The following SYT6 variants were observed in gnomAD, a reference collection of about 807,000 sequenced individuals.
SYT6 encodes the protein synaptotagmin 6.
Under a neutral mutation model 38.4 loss-of-function variants are expected in SYT6, and 24 were observed. That is an observed-to-expected ratio of 0.62 (90% CI 0.45 to 0.88). The LOEUF is 0.88. SYT6 is among the 40% of genes least tolerant of loss of function. The probability of loss-of-function intolerance (pLI) is 0.00; values close to 1 mark genes in which losing one functional copy is unlikely to be tolerated. For missense variants in SYT6, 611 were observed against 621.0 expected, an observed-to-expected ratio of 0.98 and a Z score of 0.17; for synonymous variants, 265 against 241.9, an observed-to-expected ratio of 1.10 and a Z score of -0.89.
chr1:114,119,339 G>C (rs577351191), intron 3 of SYT6, among the ~76,000 whole-genome samples: 2 of 152,218 alleles, frequency 1.3e-5, no homozygotes, highest in African/African-American at 4.8e-5. Context: ...GCAAGGCCAG[G>C]GTTCAGGGCT....
chr1:114,101,973 T>C (rs975416078), intron 4 of SYT6, among the ~76,000 whole-genome samples: 1 of 152,034 alleles, frequency 6.6e-6, no homozygotes, highest in Admixed American at 6.6e-5. Context: ...CAAACCCAGG[T>C]CAAAAAGAGG....
At chr1:114,105,810 C>G (rs938777093) in intron 3 of SYT6, among the ~76,000 whole-genome samples, 3 of 152,204 alleles carry the variant, frequency 2.0e-5, no homozygotes, top group Non-Finnish European at 2.9e-5. Flanking sequence ...GCCCTTCCAG[C>G]TCATCTAGGA....
At chr1:114,095,748 C>T (rs893959093) in intron 6 of SYT6, among the ~76,000 whole-genome samples, 1 of 151,968 alleles carries the variant, frequency 6.6e-6, no homozygotes, top group African/African-American at 2.4e-5. Flanking sequence ...GCAAGCTCCG[C>T]CTCCCGGGTT....
At position 114,089,572 on chromosome 1, in the gene SYT6, G is replaced by T. The variant is rs1037351703; in HGVS notation, c.*2562C>A. ...AGCAACAACCCGAGAGGTTTCTCCG[G>T]CCAGAGAAAGCCAACAAATGGATCA... On this transcript the variant is annotated 3_prime_UTR_variant, in exon 8 of 8. Transcript: ENST00000610222. The T allele has an allele frequency of 2.6e-5, 4 of 152,310 alleles. 1 individual carries two copies. In the East Asian group the frequency reaches 7.5e-4, roughly 29 times the overall value. The allele number at this position is 152,310 out of a possible 1,614,324, so 9.4% of individuals were successfully genotyped here. A position where few individuals can be genotyped will look rare whatever the true frequency, so the allele number is the denominator to read the frequency against.
intron 3 of SYT6, among the ~76,000 whole-genome samples, chr1:114,130,278 G>A (rs922624094): frequency 6.6e-6 from 1 of 151,714 alleles, no homozygotes; most frequent in Non-Finnish European, 1.5e-5. Context: ...TCTTCCACTA[G>A]AGCATAAGCT....
chr1:114,126,611 G>A (rs1371931279), intron 3 of SYT6, among the ~76,000 whole-genome samples: 1 of 152,248 alleles, frequency 6.6e-6, no homozygotes, highest in Non-Finnish European at 1.5e-5. Flanking sequence ...GTGGGGGGAA[G>A]CAACGGGAAG....
chr1:114,135,395 T>A (rs532182753), intron 3 of SYT6, among the ~76,000 whole-genome samples: 1 of 152,264 alleles, frequency 6.6e-6, no homozygotes, highest in East Asian at 1.9e-4. Context: ...TGTAATTACA[T>A]GACAAGTTTC....
chr1:114,144,251 G>A (rs573146446), intron 1 of SYT6, among the ~76,000 whole-genome samples: 1 of 152,186 alleles, frequency 6.6e-6, no homozygotes, highest in African/African-American at 2.4e-5. Context: ...CCTGTTCCCT[G>A]TCTGGCCCCT....
chr1:114,111,651 G>T (rs1676684118), intron 3 of SYT6, among the ~76,000 whole-genome samples: 1 of 114,658 alleles, frequency 8.7e-6, no homozygotes, highest in South Asian at 2.6e-4. Flanking sequence ...GCCTGGGGTT[G>T]TGCTCCCATT....
At chr1:114,128,216 C>T (rs1677857954) in intron 3 of SYT6, among the ~76,000 whole-genome samples, 1 of 152,226 alleles carries the variant, frequency 6.6e-6, no homozygotes, top group African/African-American at 2.4e-5. Flanking sequence ...CCCTGCTGGC[C>T]TCTTTCAGAA....
chr1:114,124,537 A>T (rs1410635083), intron 3 of SYT6, among the ~76,000 whole-genome samples: 2 of 152,102 alleles, frequency 1.3e-5, no homozygotes, highest in Non-Finnish European at 2.9e-5. Flanking sequence ...TGCCACTGGG[A>T]AGTGGCACTT....
At chr1:114,129,936 C>T (rs1363454352) in intron 3 of SYT6, among the ~76,000 whole-genome samples, 13 of 151,892 alleles carry the variant, frequency 8.6e-5, no homozygotes, top group East Asian at 1.9e-4. Context: ...CCTCCTGCCT[C>T]GGCCTCCCGA....
intron 3 of SYT6, among the ~76,000 whole-genome samples, chr1:114,124,876 T>A (rs758724176): frequency 1.3e-5 from 2 of 152,188 alleles, no homozygotes; most frequent in Non-Finnish European, 2.9e-5. Context: ...CTTGAGCAGA[T>A]TGCCTGAGTT....
chr1:114,118,829 C>T (rs1054793634), intron 3 of SYT6, among the ~76,000 whole-genome samples: 1 of 152,226 alleles, frequency 6.6e-6, no homozygotes, highest in Non-Finnish European at 1.5e-5. Context: ...GGCAACGCTT[C>T]CTCAAGGGGG....
intron 4 of SYT6, among the ~76,000 whole-genome samples, chr1:114,102,719 G>T (rs568554021): frequency 3.2e-4 from 48 of 152,314 alleles, no homozygotes; most frequent in African/African-American, 1.2e-3. Flanking sequence ...TGAGCAGGAG[G>T]ACAGGGGATC....
intron 3 of SYT6, among the ~76,000 whole-genome samples, chr1:114,105,871 C>G (rs747415842): frequency 1.3e-5 from 2 of 152,204 alleles, no homozygotes; most frequent in Non-Finnish European, 2.9e-5. Context: ...ACATTCCATC[C>G]ACTTGTTCAT....
chr1:114,153,507 G>C (rs980214096), intron 1 of SYT6, 103 bp downstream of exon 1: 3 of 554,264 alleles, frequency 5.4e-6, no homozygotes, highest in African/African-American at 2.0e-5. Flanking sequence ...CCCGAGCTGG[G>C]GAGTTCTCTC....
In SYT6 at chr1:114,093,822, T is replaced by A. The variant is rs1675465943; in HGVS notation, c.1516-19A>T. 3 of 1,613,320 alleles carry A rather than the reference T, an allele frequency of 1.9e-6. No individual in the cohort carries two copies. Among genetic ancestry groups the A allele is most frequent in the Non-Finnish European group, 2.5e-6 (3 of 1,179,378 alleles). The stretch of plus-strand genomic sequence containing the variant: ...GGTTTCCCTGGTGAAATATTTTAGA[T>A]AAATAAATGCCTGGTTGTTGAGGCC... On this transcript the variant is annotated intron_variant, in intron 6 of 7. Transcript: ENST00000610222.
At chr1:114,131,063 A>G (rs1232612775) in intron 3 of SYT6, among the ~76,000 whole-genome samples, 1 of 151,964 alleles carries the variant, frequency 6.6e-6, no homozygotes, top group Non-Finnish European at 1.5e-5. Context: ...CAAGCAAGCA[A>G]TTTCATTTCA....
Sources: gnomAD v4.1 joint callset for allele counts (sites outside exome capture counted in the v4.1 genomes callset) on GRCh38, gnomAD v4.1.1 for gene constraint, MANE v1.5 for transcripts, NCBI Gene and HGNC (gene_info 2026-07-23, HGNC 2026-07-21) for gene names.